Variants in OTOP3 observed in about 807,000 individuals in gnomAD.
OTOP3 encodes the protein otopetrin 3, also known as proton channel OTOP3.
In OTOP3, 41 loss-of-function variants were observed where a neutral mutation model predicts 50.8. That is an observed-to-expected ratio of 0.81 (90% CI 0.63 to 1.05). The LOEUF (loss-of-function observed/expected upper bound fraction) is 1.05, where lower values mean the gene tolerates loss of function less well. OTOP3 is among the 50% of genes least tolerant of loss of function. The pLI, the probability that OTOP3 is intolerant of heterozygous loss-of-function variation, is 0.00. For synonymous variants in OTOP3, 320 were observed against 324.4 expected (o/e 0.99, Z 0.14); for missense variants, 788 against 760.8 (o/e 1.04, Z -0.42).
chr17:74,947,537 A>G, intron 6 of OTOP3, 62 bp downstream of exon 6: 1 of 1,426,470 alleles, frequency 7.0e-7, no homozygotes, highest in South Asian at 1.4e-5. Context: ...AGAAAGCCTC[A>G]CTCAGGAAGG....
chr17:74,942,231 A>C (rs2144783005), intron 3 of OTOP3, among the ~76,000 whole-genome samples, 194 bp downstream of exon 3: 1 of 152,254 alleles, frequency 6.6e-6, no homozygotes, highest in East Asian at 1.9e-4. Context: ...CTGCATCAAC[A>C]CACACACCGT....
intron 5 of OTOP3, among the ~76,000 whole-genome samples, chr17:74,944,428 T>C (rs554078765): frequency 1.3e-5 from 2 of 152,348 alleles, no homozygotes; most frequent in Non-Finnish European, 2.9e-5. Context: ...AAAGAGAGAA[T>C]TTTTGCCAAG....
rs746271270 is a variant in OTOP3, at chr17:74,947,140, A to G, written c.1231A>G (p.Ile411Val). ...GGGTGCTGCACTGGGCCAGATGGGC[A>G]TCGCCTATTTCTCCATCGTGGCCAT... is the stretch of plus-strand genomic sequence containing the variant. ...LMGAALGQMG[I>V]AYFSIVAIVA... Residue 411 changes from isoleucine (I) to valine (V), a missense_variant, in exon 6 of 7, where the codon ATC (isoleucine) becomes GTC (valine). By Grantham distance (29) the Ile-to-Val change is conservative. Transcript: ENST00000328801. The G allele has an allele frequency of 2.0e-5, 32 of 1,614,002 alleles. No individual in the cohort carries two copies. In the Admixed American group the frequency reaches 2.2e-4, roughly 11 times the overall value.
chr17:74,939,393 G>A (rs2039149106), intron 1 of OTOP3, among the ~76,000 whole-genome samples: 1 of 152,120 alleles, frequency 6.6e-6, no homozygotes. Context: ...CACAAGGGCA[G>A]CAGCAGGACC....
chr17:74,948,382 T>C (rs1221572806), intron 6 of OTOP3, among the ~76,000 whole-genome samples: 1 of 151,880 alleles, frequency 6.6e-6, no homozygotes, highest in Non-Finnish European at 1.5e-5. Flanking sequence ...TAAATTAGTC[T>C]GGGCACGGTG....
chr17:74,942,110 C>T, intron 3 of OTOP3, 73 bp downstream of exon 3: 1 of 1,511,072 alleles, frequency 6.6e-7, no homozygotes, highest in African/African-American at 1.4e-5. Context: ...ACACCTCCCA[C>T]TACCTATGCC....
intron 4 of OTOP3, 51 bp downstream of exon 4, chr17:74,943,395 A>G (rs2039195947): frequency 6.3e-7 from 1 of 1,584,902 alleles, no homozygotes; most frequent in Admixed American, 1.7e-5. Flanking sequence ...CCTCCCCACC[A>G]CTTCCCTGGT....
chr17:74,943,734 G>A lies in OTOP3; in HGVS notation c.751+10G>A. On this transcript the variant is annotated intron_variant, in intron 5 of 6. Coordinates refer to ENST00000328801, the MANE Select transcript of OTOP3 (RefSeq NM_001272005.2). The stretch of plus-strand genomic sequence containing the variant: ...ATGGAAAAATCCACAGGTATGGAAA[G>A]GAGACCAGGTCTTCCTTGCCCTGAA... 6.4e-7 allele frequency: 1 copy of A among 1,570,348 alleles called. No individual in the cohort carries two copies. Among genetic ancestry groups the A allele is most frequent in the Admixed American group, 1.7e-5 (1 of 59,600 alleles).
intron 1 of OTOP3, among the ~76,000 whole-genome samples, chr17:74,939,853 T>C (rs2039153821): frequency 6.6e-6 from 1 of 152,170 alleles, no homozygotes. Context: ...GAAGACATTG[T>C]GAATCAACCC....
intron 5 of OTOP3, among the ~76,000 whole-genome samples, chr17:74,946,416 A>G (rs1224093922): frequency 6.6e-6 from 1 of 152,202 alleles, no homozygotes; most frequent in African/African-American, 2.4e-5. Context: ...CCTGGCTGGC[A>G]TCATGTTTTT....
rs1284342287 is a variant in OTOP3, at chr17:74,941,695, G to C, written c.322G>C (p.Ala108Pro). The C allele has an allele frequency of 6.2e-7, 1 of 1,614,118 alleles. No individual in the cohort carries two copies. Among genetic ancestry groups the C allele is most frequent in the Non-Finnish European group, 8.5e-7 (1 of 1,180,020 alleles). ...TCTGGGTGACGTGTGGATCCTGCTG[G>C]CCACGCTGAAGGTCCTCTCCCTGCT... ...VTLGDVWILL[A>P]TLKVLSLLWL... is the part of the protein sequence containing the mutation. The change falls in exon 2 of 7, where the codon GCC becomes CCC. Residue 108 changes from alanine to proline, a missense_variant. By Grantham distance (27) the Ala-to-Pro change is conservative. Coordinates refer to ENST00000328801, the MANE Select transcript of OTOP3 (RefSeq NM_001272005.2).
intron 3 of OTOP3, among the ~76,000 whole-genome samples, chr17:74,942,722 G>A (rs1049709667): frequency 2.6e-5 from 4 of 151,944 alleles, no homozygotes; most frequent in Non-Finnish European, 5.9e-5. Context: ...ACAAGGTCAG[G>A]GGATCGAGAC....
At chr17:74,937,743 G>A (rs997116132) in intron 1 of OTOP3, among the ~76,000 whole-genome samples, 5 of 152,208 alleles carry the variant, frequency 3.3e-5, no homozygotes. Flanking sequence ...GGTTTGGGGG[G>A]TCCAAGTTAA....
rs1162317258 is a variant in OTOP3, at chr17:74,947,005, C to T, written c.1096C>T (p.Pro366Ser). The change falls in exon 6 of 7, where the codon CCC (proline) becomes TCC (serine). Residue 366 changes from proline to serine, a missense_variant. Pro to Ser is a moderately conservative substitution (Grantham distance 74). Coordinates refer to ENST00000328801, the MANE Select transcript of OTOP3 (RefSeq NM_001272005.2). ...CTATGCCTTCTATGTGGCTGTGCTG[C>T]CCACCATGAGTCTGGCGTGCCTGGC... ...LYYAFYVAVL[P>S]TMSLACLAGT... The T allele has an allele frequency of 1.2e-6, 2 of 1,613,810 alleles. No individual in the cohort carries two copies. Among genetic ancestry groups the T allele is most frequent in the Non-Finnish European group, 1.7e-6 (2 of 1,180,062 alleles).
In OTOP3 at chr17:74,949,850, C is replaced by T. The variant is rs191067468; in HGVS notation, c.*434C>T. 244 of 159,540 alleles carry T rather than the reference C, an allele frequency of 1.5e-3. No homozygotes were observed. Among genetic ancestry groups the T allele is most frequent in the Middle Eastern group, 0.013 (4 of 318 alleles). The allele number at this position is 159,540 out of a possible 1,614,324, so 9.9% of individuals were successfully genotyped here. ...CACCTGGTCCAAGTGTGGCTCTGGA[C>T]ATCCTCAGAGCTCAGAGCTCCGAGC... On this transcript the variant is annotated 3_prime_UTR_variant, in exon 7 of 7. Transcript: ENST00000328801.
chr17:74,942,150 T>C (rs2039183484), intron 3 of OTOP3, 113 bp downstream of exon 3: 4 of 1,335,560 alleles, frequency 3.0e-6, no homozygotes, highest in African/African-American at 1.5e-5. Context: ...AAATACCTAA[T>C]GTCCCAGGGT....
In OTOP3 at chr17:74,946,809, C is replaced by G. The variant is rs777402140; in HGVS notation, c.900C>G (p.His300Gln). The G allele has an allele frequency of 6.2e-7, 1 of 1,611,768 alleles. No homozygotes were observed. The highest frequency in any genetic ancestry group is 8.5e-7 in the Non-Finnish European group (1 of 1,180,032). Residue 300 changes from histidine (H) to glutamine (Q), a missense_variant, in exon 6 of 7, where the codon CAC becomes CAG. By Grantham distance (24) the His-to-Gln change is conservative. Coordinates refer to ENST00000328801, the MANE Select transcript of OTOP3 (RefSeq NM_001272005.2). ...TCATGTGGAAGAACGTGGGCCGCCA[C>G]GTGGCACCCCACATGGGTGCCCACC... is the stretch of plus-strand genomic sequence containing the variant. ...LFVMWKNVGR[H>Q]VAPHMGAHPA...
chr17:74,941,467 G>C lies in OTOP3; in HGVS notation c.94G>C (p.Val32Leu), dbSNP rs749933490. 2.5e-6 allele frequency: 4 copies of C among 1,606,078 alleles called. No individual in the cohort carries two copies. The South Asian group carries it at 3.3e-5, about 13-fold the overall frequency. ...TEAAPEKENR[V>L]DVGAEERAAA... ...AGCAGCCCCGGAGAAGGAGAACCGA[G>C]TGGATGTGGGGGCCGAGGAGAGAGC... The change falls in exon 2 of 7, where the codon GTG becomes CTG. Residue 32 changes from valine (V) to leucine (L), a missense_variant. Physicochemically the swap from Val to Leu is conservative, Grantham distance 32. Coordinates refer to ENST00000328801, the MANE Select transcript of OTOP3 (RefSeq NM_001272005.2).
intron 3 of OTOP3, among the ~76,000 whole-genome samples, chr17:74,942,394 G>A (rs975094225): frequency 2.0e-4 from 30 of 152,188 alleles, no homozygotes; most frequent in African/African-American, 6.0e-4. Context: ...ACTTTGGGAG[G>A]CCGAGGCAGG....
Sources: gnomAD v4.1 joint callset for allele counts (sites outside exome capture counted in the v4.1 genomes callset) on GRCh38, gnomAD v4.1.1 for gene constraint, MANE v1.5 for transcripts, NCBI Gene and HGNC (gene_info 2026-07-23, HGNC 2026-07-21) for gene names.